The following TENM1 variants were observed in gnomAD, a reference collection of about 807,000 sequenced individuals.
The protein encoded by TENM1 is teneurin transmembrane protein 1, also known as teneurin-1.
A neutral mutation model predicts 174.8 loss-of-function variants in TENM1; 35 were observed. The observed-to-expected ratio is 0.20, with a 90% CI of 0.15 to 0.27. The LOEUF is 0.27. TENM1 is among the 10% of genes least tolerant of loss of function. TENM1 has a pLI of 1.00. For missense variants in TENM1, 1,633 were observed against 2,130.1 expected, an observed-to-expected ratio of 0.77 and a Z score of 4.59; for synonymous variants, 781 against 798.7, an observed-to-expected ratio of 0.98 and a Z score of 0.37.
At chrX:124,822,890 C>T (rs932433774) in intron 3 of TENM1, among the ~76,000 whole-genome samples, 2 of 112,020 alleles carry the variant, frequency 1.8e-5, no homozygotes, top group East Asian at 5.6e-4. Flanking sequence ...ATGCAAAAAA[C>T]TTTTACCTAC....
At chrX:124,750,302 C>T (rs1196415488) in intron 3 of TENM1, among the ~76,000 whole-genome samples, 1 of 111,269 alleles carries the variant, frequency 9.0e-6, no homozygotes, top group African/African-American at 3.3e-5. Flanking sequence ...GTGGGTATTC[C>T]ATTAAAACGA....
At chrX:124,780,943 T>A (rs1301021222) in intron 3 of TENM1, among the ~76,000 whole-genome samples, 2 of 111,635 alleles carry the variant, frequency 1.8e-5, no homozygotes, top group African/African-American at 6.5e-5. Context: ...GTGTGGTCAC[T>A]TGTACTGTTA....
At chrX:124,596,845 T>A (rs1464230129) in intron 11 of TENM1, among the ~76,000 whole-genome samples, 1 of 110,490 alleles carries the variant, frequency 9.1e-6, no homozygotes, top group Non-Finnish European at 1.9e-5. Flanking sequence ...CTTAGAAAGA[T>A]CTCTTTGGAT....
At chrX:124,927,175 A>G (rs1034326860) in intron 1 of TENM1, among the ~76,000 whole-genome samples, 3 of 112,043 alleles carry the variant, frequency 2.7e-5, no homozygotes, top group African/African-American at 9.7e-5. Context: ...AAGAGATATC[A>G]GAGACACCCA....
chrX:124,792,894 T>C (rs142458686), intron 3 of TENM1, among the ~76,000 whole-genome samples: 2,721 of 112,304 alleles, frequency 0.024, 82 homozygotes, highest in African/African-American at 0.083. Flanking sequence ...GGGCAGTTCT[T>C]GAATGTTAGT....
At chrX:124,433,394 A>G (rs773969227) in intron 23 of TENM1, among the ~76,000 whole-genome samples, 1 of 111,839 alleles carries the variant, frequency 8.9e-6, no homozygotes, top group East Asian at 2.8e-4. Flanking sequence ...GCTTAAACCT[A>G]ATGATTAACC....
chrX:125,137,888 T>C, the TENM1 span, among the ~76,000 whole-genome samples: 2 of 111,937 alleles, frequency 1.8e-5, no homozygotes, highest in African/African-American at 3.2e-5. Flanking sequence ...GGGAAGGTTA[T>C]TAAGGTGTGT....
intron 6 of TENM1, among the ~76,000 whole-genome samples, chrX:124,661,721 G>C (rs780953855): frequency 9.0e-6 from 1 of 111,296 alleles, no homozygotes; most frequent in South Asian, 3.8e-4. Context: ...CTACTCATTG[G>C]GCATTTAATA....
chrX:124,896,552 G>A (rs1229816482), intron 1 of TENM1, among the ~76,000 whole-genome samples: 2 of 111,678 alleles, frequency 1.8e-5, no homozygotes, highest in Non-Finnish European at 3.8e-5. Flanking sequence ...ATAAAGTGTA[G>A]AGAGGTGTCC....
intron 3 of TENM1, among the ~76,000 whole-genome samples, chrX:124,766,401 A>G (rs1446410330): frequency 8.9e-6 from 1 of 111,990 alleles, no homozygotes; most frequent in Admixed American, 9.5e-5. Context: ...CACATTTAGT[A>G]AAGATTTTAA....
chrX:124,719,213 A>T (rs1240068516), intron 4 of TENM1, among the ~76,000 whole-genome samples: 1 of 110,443 alleles, frequency 9.1e-6, no homozygotes, highest in Non-Finnish European at 1.9e-5. Flanking sequence ...CCCCAAGCTC[A>T]CAGCTGTTCC....
At chrX:125,031,664 A>G in the TENM1 span, among the ~76,000 whole-genome samples, 1 of 112,002 alleles carries the variant, frequency 8.9e-6, no homozygotes, top group Non-Finnish European at 1.9e-5. Context: ...ATATAGCCTA[A>G]TTCATCATCA....
chrX:124,433,008 A>G (rs1358813455), intron 23 of TENM1, among the ~76,000 whole-genome samples: 8 of 111,853 alleles, frequency 7.2e-5, no homozygotes, highest in African/African-American at 2.6e-4. Context: ...AATGGAATTT[A>G]TGTGTTAGAG....
At chrX:124,934,219 C>T (rs141916612) in intron 1 of TENM1, among the ~76,000 whole-genome samples, 207 of 112,220 alleles carry the variant, frequency 1.8e-3, no homozygotes, top group African/African-American at 6.3e-3. Flanking sequence ...CCAGTCACCA[C>T]AGATGGAGAT....
intron 3 of TENM1, among the ~76,000 whole-genome samples, chrX:124,860,000 C>T (rs779488413): frequency 8.9e-6 from 1 of 111,857 alleles, no homozygotes; most frequent in African/African-American, 3.3e-5. Context: ...AACACAAATT[C>T]CCCCTTTCCT....
At chrX:124,977,716 G>A in the TENM1 span, among the ~76,000 whole-genome samples, 21,447 of 109,719 alleles carry the variant, frequency 0.2, 1,617 homozygotes, top group Non-Finnish European at 0.21. Flanking sequence ...ATTAAATTAA[G>A]TCATACAATA....
chrX:124,601,953 A>T (rs754927232), intron 11 of TENM1, among the ~76,000 whole-genome samples: 81 of 111,554 alleles, frequency 7.3e-4, no homozygotes, highest in South Asian at 4.1e-3. Flanking sequence ...TGGAAAAAGC[A>T]CTGCAACTAT....
At chrX:124,389,301 A>G (rs1288100508) in intron 28 of TENM1, among the ~76,000 whole-genome samples, 1 of 112,530 alleles carries the variant, frequency 8.9e-6, no homozygotes, top group Non-Finnish European at 1.9e-5. Flanking sequence ...CAGGTATGGC[A>G]AGCGAATTCA....
At chrX:124,664,135 A>G (rs41526144) in intron 6 of TENM1, among the ~76,000 whole-genome samples, 1,220 of 111,799 alleles carry the variant, frequency 0.011, 13 homozygotes, top group African/African-American at 0.038. Flanking sequence ...TTAGCGCATT[A>G]CTTCTATTTT....
Sources: allele counts gnomAD v4.1 joint callset (sites outside exome capture counted in the v4.1 genomes callset), GRCh38; gene constraint gnomAD v4.1.1; transcripts MANE v1.5; gene names NCBI Gene and HGNC (gene_info 2026-07-23, HGNC 2026-07-21).